The following PARP4 variants were observed in gnomAD, a reference collection of about 807,000 sequenced individuals.
PARP4 encodes the protein protein mono-ADP-ribosyltransferase PARP4.
A neutral mutation model predicts 187.7 loss-of-function variants in PARP4; 120 were observed. That is an observed-to-expected ratio of 0.64 (90% CI 0.55 to 0.74). The LOEUF is 0.74. PARP4 is among the 30% of genes least tolerant of loss of function. PARP4 has a pLI of 0.00. For synonymous variants in PARP4, 654 were observed against 740.9 expected (o/e 0.88, Z 1.90); for missense variants, 1,836 against 2,070.5 (o/e 0.89, Z 2.20).
rs766409466 is a variant in PARP4, at chr13:24,434,786, C to G, written c.4355G>C (p.Gly1452Ala). 6.2e-6 allele frequency: 10 copies of G among 1,612,074 alleles called. No homozygotes were observed. Among genetic ancestry groups the G allele is most frequent in the Non-Finnish European group, 8.5e-6 (10 of 1,179,262 alleles). The change falls in exon 31 of 34, where the codon GGG becomes GCG. Residue 1452 changes from glycine to alanine, a missense_variant. Around this residue, in one of 8 missense-constraint regions of PARP4, gnomAD observed 450 missense variants for 439.2 expected, o/e 1.02. Transcript: ENST00000381989. ...AGAGGAAGCAGAGGGATGATAAGAC[C>G]CAAAACCTCTGATGGGATCAGGGTC... ...PTDPDPIRGFGSYHPSASSPF... is the reference protein window; with the variant it reads ...PTDPDPIRGFASYHPSASSPF...
At chr13:24,466,853 C>A (rs1872503485) in intron 17 of PARP4, among the ~76,000 whole-genome samples, 1 of 146,342 alleles carries the variant, frequency 6.8e-6, no homozygotes, top group African/African-American at 2.5e-5. Context: ...ACAATGGAAT[C>A]ATTTAAAAAA....
intron 17 of PARP4, among the ~76,000 whole-genome samples, chr13:24,462,653 C>G (rs540182303): frequency 2.0e-5 from 3 of 152,218 alleles, no homozygotes; most frequent in East Asian, 3.9e-4. Context: ...AAAAGACATA[C>G]AGAAAAGGTG....
chr13:24,468,969 G>C, intron 17 of PARP4, 55 bp downstream of exon 17: 1 of 1,187,752 alleles, frequency 8.4e-7, no homozygotes, highest in Non-Finnish European at 1.3e-6. Context: ...TTCATATCTT[G>C]TTCTAACTCT....
chr13:24,426,594 T>A lies in PARP4; in HGVS notation c.4851A>T (p.Val1617=), dbSNP rs151093035. 1.1e-4 allele frequency: 174 copies of A among 1,611,250 alleles called. No individual in the cohort carries two copies. Among genetic ancestry groups the A allele is most frequent in the Non-Finnish European group, 1.3e-4 (155 of 1,179,282 alleles). Residue 1617 remains valine (V), a synonymous_variant, in exon 33 of 34, where the codon GTA becomes GTT. Transcript: ENST00000381989. ...GGTCCAGGAGACATTCTCTTCCTTT[T>A]ACACCTAAAAGGAAAAAAACTCCGT... is the stretch of plus-strand genomic sequence containing the variant. ...LKQKGIQSLG[V]KGRECLLDLI... is the part of the protein sequence containing the mutation.
chr13:24,503,050 T>C (rs1869397670), intron 2 of PARP4, among the ~76,000 whole-genome samples: 1 of 152,176 alleles, frequency 6.6e-6, no homozygotes, highest in Admixed American at 6.5e-5. Context: ...GTGAGGTGGT[T>C]TAAAAAAGAG....
At chr13:24,430,174 C>T (rs2497061) in intron 32 of PARP4, among the ~76,000 whole-genome samples, 229 of 152,094 alleles carry the variant, frequency 1.5e-3, no homozygotes, top group African/African-American at 5.4e-3. Flanking sequence ...TCACTCCTCA[C>T]GTAAATTGTC....
At chr13:24,479,235 C>A (rs538557608) in intron 12 of PARP4, among the ~76,000 whole-genome samples, 1 of 152,194 alleles carries the variant, frequency 6.6e-6, no homozygotes, top group East Asian at 1.9e-4. Context: ...TATGGCCAGA[C>A]GACCCTTCTT....
chr13:24,478,110 C>T lies in PARP4; in HGVS notation c.1615G>A (p.Val539Ile), dbSNP rs779019378. The T allele has an allele frequency of 1.2e-6, 2 of 1,604,178 alleles. No homozygotes were observed. The stretch of plus-strand genomic sequence containing the variant: ...AAAAATACCTCAAAGTCTGTGGTGA[C>T]AGAGGCTGTTTGCGAAACTCCATGC... ...SVHGVSQTAS[V>I]TTDFEDDEFV... The change falls in exon 13 of 34, where the codon GTC becomes ATC. Residue 539 changes from valine (V) to isoleucine (I), a missense_variant. Val to Ile is a conservative substitution (Grantham distance 29). Coordinates refer to ENST00000381989, the MANE Select transcript of PARP4 (RefSeq NM_006437.4).
chr13:24,468,714 A>G (rs1872596984), intron 17 of PARP4, among the ~76,000 whole-genome samples: 1 of 151,926 alleles, frequency 6.6e-6, no homozygotes, highest in Non-Finnish European at 1.5e-5. Flanking sequence ...AGTATATCAC[A>G]CTCTTATCAG....
Position 24,475,613 on chromosome 13 carries a change from T to C in PARP4, c.1790-17A>G, listed in dbSNP as rs1419193914. On this transcript the variant is annotated splice_polypyrimidine_tract_variant and intron_variant, in intron 14 of 33. Coordinates refer to ENST00000381989, the MANE Select transcript of PARP4 (RefSeq NM_006437.4). ...ACTGGTAATCTAAACGTTAAAAATGTTACTATTAGCTTTCAAAACCATCCC... is the reference window on the plus strand; with the variant it reads ...ACTGGTAATCTAAACGTTAAAAATGCTACTATTAGCTTTCAAAACCATCCC... The C allele has an allele frequency of 1.2e-6, 2 of 1,612,652 alleles. No homozygotes were observed. Among genetic ancestry groups the C allele is most frequent in the Admixed American group, 3.3e-5 (2 of 59,964 alleles).
chr13:24,458,994 T>C (rs918249635), intron 20 of PARP4, 50 bp downstream of exon 20: 1 of 1,281,844 alleles, frequency 7.8e-7, no homozygotes, highest in Non-Finnish European at 1.1e-6. Context: ...TTTGATAAGA[T>C]AAAAGTAGTG....
chr13:24,437,163 T>C (rs1217443326), intron 30 of PARP4, among the ~76,000 whole-genome samples: 1 of 152,170 alleles, frequency 6.6e-6, no homozygotes, highest in Non-Finnish European at 1.5e-5. Context: ...AGGAGCCATC[T>C]GGAAAAGAAT....
intron 10 of PARP4, among the ~76,000 whole-genome samples, chr13:24,486,701 C>T (rs565207636): frequency 3.3e-5 from 5 of 152,196 alleles, no homozygotes; most frequent in African/African-American, 4.8e-5. Flanking sequence ...CCTGTAATCC[C>T]AGCACTCTGG....
chr13:24,487,598 C>T (rs1593640849), intron 10 of PARP4, among the ~76,000 whole-genome samples: 1 of 152,154 alleles, frequency 6.6e-6, no homozygotes. Context: ...CCCACACTGG[C>T]TCTGAGTGGG....
chr13:24,460,804 T>C (rs1056538941), intron 17 of PARP4, among the ~76,000 whole-genome samples: 4 of 152,146 alleles, frequency 2.6e-5, no homozygotes, highest in Admixed American at 6.6e-5. Context: ...TCCTCTTAAG[T>C]AGATGGGACT....
At chr13:24,494,749 T>C (rs760162046) in intron 6 of PARP4, 27 bp from the exon 7 acceptor site, 1 of 1,525,524 alleles carries the variant, frequency 6.6e-7, no homozygotes. Flanking sequence ...ATAGCAAAAG[T>C]ACAGTCATTA....
chr13:24,423,533 A>AAAAATAAATAAAT lies in PARP4; in HGVS notation c.4980-2220_4980-2219insATTTATTTATTTT, dbSNP rs138940651. Among the ~76,000 whole-genome samples, 256 of 150,840 alleles carry AAAAATAAATAAAT rather than the reference A, an allele frequency of 1.7e-3. 1 individual carries two copies. The highest frequency in any genetic ancestry group is 2.1e-3 in the African/African-American group (87 of 40,972). On this transcript the variant is annotated intron_variant, in intron 33 of 33. Transcript: ENST00000381989. ...GTGACAGAACGAGATCTGGCCTCAA[A>AAAAATAAATAAAT]AAATAAATAAATAAATAAAAACAAA...
intron 6 of PARP4, 27 bp downstream of exon 6, chr13:24,498,089 C>G (rs778709055): frequency 3.4e-6 from 5 of 1,474,028 alleles, no homozygotes; most frequent in Non-Finnish European, 3.8e-6. Flanking sequence ...TCAGTAAACA[C>G]ATAGGAATCA....
intron 1 of PARP4, among the ~76,000 whole-genome samples, chr13:24,505,109 T>C (rs1869545761): frequency 6.6e-6 from 1 of 150,996 alleles, no homozygotes; most frequent in Admixed American, 6.6e-5. Flanking sequence ...ATCTCTGCCT[T>C]CCGGGAAGAG....
Sources: allele counts gnomAD v4.1 joint callset (sites outside exome capture counted in the v4.1 genomes callset), GRCh38; gene constraint gnomAD v4.1.1; regional missense constraint gnomAD v4.1.1; transcripts MANE v1.5; gene names NCBI Gene and HGNC (gene_info 2026-07-23, HGNC 2026-07-21).